Variants in MAST4 observed in about 807,000 individuals in gnomAD.
MAST4 encodes the protein microtubule associated serine/threonine kinase family member 4.
Under a neutral mutation model 162.7 loss-of-function variants are expected in MAST4, and 89 were observed. That is an observed-to-expected ratio of 0.55 (90% CI 0.46 to 0.65). The LOEUF (loss-of-function observed/expected upper bound fraction) is 0.65, where lower values mean the gene tolerates loss of function less well. Among genes scored for constraint, MAST4 ranks in the 30% least tolerant of loss-of-function variants. MAST4 has a pLI of 0.00. For synonymous variants in MAST4, 1,479 were observed against 1,361.1 expected, an observed-to-expected ratio of 1.09 and a Z score of -1.91; for missense variants, 3,153 against 3,374.0, an observed-to-expected ratio of 0.93 and a Z score of 1.62.
At chr5:66,855,820 G>C (rs1230854793) in intron 3 of MAST4, among the ~76,000 whole-genome samples, 6 of 152,136 alleles carry the variant, frequency 3.9e-5, no homozygotes, top group Non-Finnish European at 8.8e-5. Context: ...AGGCTTACAT[G>C]GTTTTGGAGA....
intron 1 of MAST4, among the ~76,000 whole-genome samples, chr5:66,624,144 A>ATTTTTTTTT (rs1561220546): frequency 1.2e-5 from 1 of 81,804 alleles, no homozygotes; most frequent in African/African-American, 4.8e-5. Flanking sequence ...TATTGTTAAA[A>ATTTTTTTTT]TGTTTTTTTT....
At chr5:66,835,336 A>G (rs948218822) in intron 3 of MAST4, among the ~76,000 whole-genome samples, 4 of 152,162 alleles carry the variant, frequency 2.6e-5, no homozygotes, top group Non-Finnish European at 5.9e-5. Context: ...GTGTCTTTCC[A>G]TTCTTGCCTT....
intron 3 of MAST4, among the ~76,000 whole-genome samples, chr5:66,817,581 A>G (rs1307145727): frequency 6.6e-6 from 1 of 152,236 alleles, no homozygotes; most frequent in Non-Finnish European, 1.5e-5. Context: ...TATCTAATTG[A>G]TGATAATCTG....
intron 3 of MAST4, among the ~76,000 whole-genome samples, chr5:66,842,197 G>C (rs1404952543): frequency 6.6e-6 from 1 of 152,144 alleles, no homozygotes; most frequent in Non-Finnish European, 1.5e-5. Context: ...GCTTTTGATT[G>C]CAGAATTACA....
chr5:66,905,371 A>C (rs2149994893), intron 4 of MAST4, among the ~76,000 whole-genome samples: 1 of 151,314 alleles, frequency 6.6e-6, no homozygotes, highest in Non-Finnish European at 1.5e-5. Flanking sequence ...AGCAGCTCCC[A>C]GTATGTATAG....
chr5:66,943,357 T>C (rs1432313899), intron 4 of MAST4, among the ~76,000 whole-genome samples: 1 of 152,134 alleles, frequency 6.6e-6, no homozygotes, highest in African/African-American at 2.4e-5. Flanking sequence ...AAATGCATGT[T>C]CTCATTGTGT....
In MAST4 at chr5:67,049,049, ATATATATATACG is replaced by A. The variant is rs1316064574; in HGVS notation, c.675-5344_675-5333del. Reference sequence around the variant, plus strand: ...TATATATATATATATATACGTGTATATATATATATACGTATATATATATATATATACACTACC... The same window carrying A: ...TATATATATATATATATACGTGTATATATATATATATATATATACACTACC... On this transcript the variant is annotated intron_variant, in intron 4 of 28. Transcript: ENST00000403625. Among the ~76,000 whole-genome samples, 158 of 113,886 alleles carry A rather than the reference ATATATATATACG, an allele frequency of 1.4e-3. 3 individuals are homozygous for A. The highest frequency in any genetic ancestry group is 4.5e-3 in the Admixed American group (50 of 11,162). 74.7% of individuals were successfully genotyped at this position (113,886 alleles called of 152,430 possible).
intron 1 of MAST4, among the ~76,000 whole-genome samples, chr5:66,608,829 G>A (rs985055114): frequency 2.0e-5 from 3 of 151,966 alleles, no homozygotes; most frequent in Admixed American, 6.6e-5. Context: ...GGGAGAACGC[G>A]AGTCTTCTTC....
chr5:67,092,420 T>C (rs567832278), intron 6 of MAST4, among the ~76,000 whole-genome samples: 2 of 152,344 alleles, frequency 1.3e-5, no homozygotes, highest in African/African-American at 4.8e-5. Context: ...ATCGAATTAA[T>C]TTTTTACTAT....
At chr5:67,078,937 T>TATATATA (rs1762258391) in intron 5 of MAST4, among the ~76,000 whole-genome samples, 1 of 95,396 alleles carries the variant, frequency 1.0e-5, no homozygotes, top group Non-Finnish European at 1.9e-5. Flanking sequence ...TATATATATA[T>TATATATA]ATATATATAT....
At chr5:66,868,083 C>G (rs1004334447) in intron 3 of MAST4, among the ~76,000 whole-genome samples, 1 of 152,142 alleles carries the variant, frequency 6.6e-6, no homozygotes, top group Non-Finnish European at 1.5e-5. Flanking sequence ...CATCAGTTCC[C>G]TGTGATACCA....
At chr5:66,840,270 T>C (rs965489934) in intron 3 of MAST4, among the ~76,000 whole-genome samples, 8 of 152,180 alleles carry the variant, frequency 5.3e-5, no homozygotes, top group African/African-American at 1.9e-4. Flanking sequence ...TTTTTCATGA[T>C]GAGATAGTGA....
Position 66,811,947 on chromosome 5 carries a change from A to G in MAST4, c.642+23153A>G, listed in dbSNP as rs551160438. Among the ~76,000 whole-genome samples the G allele has an allele frequency of 1.4e-3, 216 of 152,316 alleles. 1 individual carries two copies. The highest frequency in any genetic ancestry group is 5.1e-3 in the African/African-American group (210 of 41,566). ...TACCTAGGCTGTAATTTATCAAAAC[A>G]TCTCCAAGTATTTTACAGGGGAGTA... On this transcript the variant is annotated intron_variant, in intron 3 of 28. Coordinates refer to ENST00000403625, the MANE Select transcript of MAST4 (RefSeq NM_001164664.2).
chr5:67,104,596 A>G (rs753502648), intron 10 of MAST4, 21 bp downstream of exon 10: 23 of 1,592,682 alleles, frequency 1.4e-5, no homozygotes, highest in East Asian at 1.1e-4. Flanking sequence ...TGTACCATAT[A>G]GTTTTCTGAT....
In MAST4 at chr5:66,608,502, A is replaced by G. The variant is rs190287974; in HGVS notation, c.363+11484A>G. Among the ~76,000 whole-genome samples the G allele has an allele frequency of 1.3e-3, 198 of 150,916 alleles. 1 individual carries two copies. Among genetic ancestry groups the G allele is most frequent in the South Asian group, 3.8e-3 (18 of 4,752 alleles). The stretch of plus-strand genomic sequence containing the variant: ...TTACATAGGAAAATATGGACGACTT[A>G]TATGTTCTGCTTTAATTCTTTTACA... On this transcript the variant is annotated intron_variant, in intron 1 of 28. Coordinates refer to ENST00000403625, the MANE Select transcript of MAST4 (RefSeq NM_001164664.2).
At chr5:66,837,591 C>G (rs750064102) in intron 3 of MAST4, among the ~76,000 whole-genome samples, 1 of 151,828 alleles carries the variant, frequency 6.6e-6, no homozygotes, top group Admixed American at 6.6e-5. Flanking sequence ...ACCCTTAGGA[C>G]GTGGTTCACC....
chr5:67,164,014 G>A lies in MAST4; in HGVS notation c.4835G>A (p.Ser1612Asn), dbSNP rs201670700. The change falls in exon 29 of 29, where the codon AGC (serine) becomes AAC (asparagine). Residue 1612 changes from serine to asparagine, a missense_variant. Ser to Asn is a conservative substitution (Grantham distance 46). This residue lies in a region of MAST4 where 1,644 missense variants were observed against 1,495.0 expected (regional missense o/e 1.10). Coordinates refer to ENST00000403625, the MANE Select transcript of MAST4 (RefSeq NM_001164664.2). This position sits in a 1 kb window ranked among gnomAD's most constrained non-coding sequence, Gnocchi z 5.3. Reference sequence around the variant, plus strand: ...AAGGATGCTCTTCACAAGCAGGCCAGCGTGCGCGCCAGCGAGGGTGCGATG... The same window carrying A: ...AAGGATGCTCTTCACAAGCAGGCCAACGTGCGCGCCAGCGAGGGTGCGATG... The part of the protein sequence containing the change: ...LLKDALHKQA[S>N]VRASEGAMSD... 104 of 1,594,426 alleles carry A rather than the reference G, an allele frequency of 6.5e-5. No homozygotes were observed. The highest frequency in any genetic ancestry group is 5.9e-5 in the Non-Finnish European group (69 of 1,170,372).
At chr5:66,671,041 A>G (rs1003707969) in intron 1 of MAST4, among the ~76,000 whole-genome samples, 1 of 151,974 alleles carries the variant, frequency 6.6e-6, no homozygotes, top group Non-Finnish European at 1.5e-5. Flanking sequence ...TTTTTCTTAT[A>G]TGGTTGCTGT....
intron 3 of MAST4, among the ~76,000 whole-genome samples, chr5:66,894,196 T>G (rs1269588636): frequency 6.6e-6 from 1 of 152,190 alleles, no homozygotes; most frequent in African/African-American, 2.4e-5. Context: ...AAACCAATAG[T>G]CCTTAGGGGG....
Sources: gnomAD v4.1 joint callset for allele counts (sites outside exome capture counted in the v4.1 genomes callset) on GRCh38, gnomAD v4.1.1 for gene constraint, gnomAD v4.1.1 regional missense constraint, Gnocchi (gnomAD v3.1) non-coding constraint, MANE v1.5 for transcripts, NCBI Gene and HGNC (gene_info 2026-07-23, HGNC 2026-07-21) for gene names.